Variants in KCNIP4 observed in about 807,000 individuals in gnomAD.
KCNIP4 encodes the protein potassium voltage-gated channel interacting protein 4.
KCNIP4 carries 12 observed loss-of-function variants against 34.0 expected under a neutral mutation model. The observed-to-expected ratio is 0.35, with a 90% CI of 0.23 to 0.57. KCNIP4 has a LOEUF of 0.57. Ranked by LOEUF, KCNIP4 falls within the 20% of genes least tolerant of loss-of-function variation. The pLI, the probability that KCNIP4 is intolerant of heterozygous loss-of-function variation, is 0.83. For synonymous variants in KCNIP4, 124 were observed against 102.2 expected (o/e 1.21, Z -1.29); for missense variants, 238 against 311.7 (o/e 0.76, Z 1.78).
At chr4:21,010,201 A>C (rs1738946451) in intron 1 of KCNIP4, among the ~76,000 whole-genome samples, 1 of 152,134 alleles carries the variant, frequency 6.6e-6, no homozygotes, top group African/African-American at 2.4e-5. Flanking sequence ...AACAATGAAA[A>C]AGCACAAGGC....
chr4:21,616,865 C>T (rs1051390096), intron 1 of KCNIP4, among the ~76,000 whole-genome samples: 3 of 152,096 alleles, frequency 2.0e-5, no homozygotes, highest in Non-Finnish European at 4.4e-5. Flanking sequence ...TAATTGATGA[C>T]CTTATTTATA....
chr4:21,389,224 A>G (rs1014397457), intron 1 of KCNIP4, among the ~76,000 whole-genome samples: 1 of 151,926 alleles, frequency 6.6e-6, no homozygotes, highest in Non-Finnish European at 1.5e-5. Flanking sequence ...CAAGCAATCC[A>G]TCTGCCTCAG....
intron 1 of KCNIP4, among the ~76,000 whole-genome samples, chr4:21,771,159 G>A (rs1369192063): frequency 6.6e-6 from 1 of 152,122 alleles, no homozygotes; most frequent in Non-Finnish European, 1.5e-5. Flanking sequence ...TTCTGCATAT[G>A]GCTAGCCAGC....
intron 1 of KCNIP4, among the ~76,000 whole-genome samples, chr4:20,927,764 T>A (rs1030423682): frequency 2.6e-5 from 4 of 152,216 alleles, no homozygotes; most frequent in Admixed American, 1.3e-4. Context: ...TTAGTCATAA[T>A]GTCCTTATAC....
intron 3 of KCNIP4, among the ~76,000 whole-genome samples, chr4:20,792,885 G>T (rs1712962717): frequency 6.6e-6 from 1 of 152,148 alleles, no homozygotes; most frequent in Non-Finnish European, 1.5e-5. Context: ...GGACACTTGA[G>T]CAGTACTATC....
chr4:21,386,984 G>A (rs1248058678), intron 1 of KCNIP4, among the ~76,000 whole-genome samples: 1 of 152,146 alleles, frequency 6.6e-6, no homozygotes. Context: ...ACCCACCAGA[G>A]AGCGATAACT....
At chr4:21,345,862 G>C (rs554467898) in intron 1 of KCNIP4, among the ~76,000 whole-genome samples, 1 of 151,446 alleles carries the variant, frequency 6.6e-6, no homozygotes, top group Non-Finnish European at 1.5e-5. Flanking sequence ...AGCCCATTAC[G>C]CTCCTAATAA....
chr4:21,914,670 C>G (rs1444219893), intron 1 of KCNIP4, among the ~76,000 whole-genome samples: 1 of 152,188 alleles, frequency 6.6e-6, no homozygotes, highest in African/African-American at 2.4e-5. Context: ...CTGCTCCTCT[C>G]TTGCAAATCA....
intron 1 of KCNIP4, among the ~76,000 whole-genome samples, chr4:21,109,080 C>T (rs58981321): frequency 5.9e-5 from 9 of 152,100 alleles, no homozygotes; most frequent in South Asian, 2.1e-4. Flanking sequence ...GCAGTCTGCC[C>T]GTTCTCAGAT....
intron 1 of KCNIP4, among the ~76,000 whole-genome samples, chr4:21,717,293 A>G (rs1452567619): frequency 6.6e-6 from 1 of 152,198 alleles, no homozygotes. Flanking sequence ...TACTAAGTCT[A>G]CGAACTTGAC....
At chr4:21,023,340 T>G (rs1292342433) in intron 1 of KCNIP4, among the ~76,000 whole-genome samples, 1 of 151,870 alleles carries the variant, frequency 6.6e-6, no homozygotes, top group Non-Finnish European at 1.5e-5. Flanking sequence ...AATTGAAAAA[T>G]ATAATAACCA....
At chr4:20,987,020 G>C (rs1418076650) in intron 1 of KCNIP4, among the ~76,000 whole-genome samples, 1 of 152,132 alleles carries the variant, frequency 6.6e-6, no homozygotes, top group Non-Finnish European at 1.5e-5. Flanking sequence ...CCAGCTGTGA[G>C]ATTTTGTAAG....
At chr4:21,112,682 G>T (rs1399867373) in intron 1 of KCNIP4, among the ~76,000 whole-genome samples, 3 of 152,154 alleles carry the variant, frequency 2.0e-5, no homozygotes, top group African/African-American at 7.2e-5. Flanking sequence ...GATGAGTTGT[G>T]GCACTAAACT....
At chr4:21,233,795 T>C (rs1479801883) in intron 1 of KCNIP4, among the ~76,000 whole-genome samples, 1 of 145,246 alleles carries the variant, frequency 6.9e-6, no homozygotes, top group Admixed American at 7.1e-5. Flanking sequence ...AACATTATTA[T>C]ATATAATATA....
chr4:21,460,442 T>C (rs1023430980), intron 1 of KCNIP4, among the ~76,000 whole-genome samples: 2 of 152,218 alleles, frequency 1.3e-5, no homozygotes, highest in Admixed American at 6.5e-5. Flanking sequence ...CGAAATACCA[T>C]AGACTGCATG....
At chr4:21,461,352 A>G (rs945131991) in intron 1 of KCNIP4, among the ~76,000 whole-genome samples, 3 of 151,822 alleles carry the variant, frequency 2.0e-5, no homozygotes, top group African/African-American at 7.3e-5. Flanking sequence ...TTCTTAAATT[A>G]CCCAGTCTCG....
chr4:20,752,829 A>G (rs1419093646), intron 4 of KCNIP4: 2 of 152,234 alleles, frequency 1.3e-5, no homozygotes, highest in African/African-American at 2.4e-5. Flanking sequence ...AACTGTCTAC[A>G]AAAGCATCTA....
intron 1 of KCNIP4, among the ~76,000 whole-genome samples, chr4:21,248,943 C>T (rs1412952543): frequency 6.6e-6 from 1 of 152,148 alleles, no homozygotes; most frequent in African/African-American, 2.4e-5. Context: ...TGTATCTCCC[C>T]ATGAGGCCAA....
intron 1 of KCNIP4, among the ~76,000 whole-genome samples, chr4:21,458,182 C>A (rs1729129459): frequency 7.4e-6 from 1 of 135,738 alleles, no homozygotes; most frequent in African/African-American, 2.8e-5. Context: ...TGTGATATTC[C>A]CCTTCCTGTG....
Sources: allele counts gnomAD v4.1 joint callset (sites outside exome capture counted in the v4.1 genomes callset), GRCh38; gene constraint gnomAD v4.1.1; transcripts MANE v1.5; gene names NCBI Gene and HGNC (gene_info 2026-07-23, HGNC 2026-07-21).